DOCK3: variants seen among roughly 807,000 people sequenced by gnomAD.
The protein encoded by DOCK3 is dedicator of cytokinesis 3.
A neutral mutation model predicts 265.6 loss-of-function variants in DOCK3; 60 were observed. That is an observed-to-expected ratio of 0.23 (90% CI 0.18 to 0.28). The LOEUF is 0.28. DOCK3 is among the 10% of genes least tolerant of loss of function. The probability of loss-of-function intolerance (pLI) is 1.00; values close to 1 mark genes in which losing one functional copy is unlikely to be tolerated. For synonymous variants in DOCK3, 881 were observed against 938.0 expected (o/e 0.94, Z 1.11); for missense variants, 1,981 against 2,594.3 (o/e 0.76, Z 5.14).
intron 38 of DOCK3, among the ~76,000 whole-genome samples, chr3:51,341,792 C>T (rs1191846768): frequency 1.3e-5 from 2 of 152,234 alleles, no homozygotes; most frequent in Non-Finnish European, 2.9e-5. Context: ...CAGCCAAAGG[C>T]GGCCTAAACT....
chr3:51,064,860 A>C (rs1560011578), intron 6 of DOCK3, among the ~76,000 whole-genome samples: 1 of 152,186 alleles, frequency 6.6e-6, no homozygotes, highest in Non-Finnish European at 1.5e-5. Context: ...TTATCCTATA[A>C]AGTTAAATTT....
chr3:50,743,213 C>T (rs1410641593), intron 1 of DOCK3, among the ~76,000 whole-genome samples: 1 of 151,050 alleles, frequency 6.6e-6, no homozygotes, highest in East Asian at 1.9e-4. Flanking sequence ...TGGAAAGGAA[C>T]AACCGGTACC....
chr3:50,906,101 C>G (rs891629476), intron 4 of DOCK3, among the ~76,000 whole-genome samples: 2 of 152,168 alleles, frequency 1.3e-5, no homozygotes, highest in East Asian at 3.9e-4. Context: ...CCTTGCATCC[C>G]AGAGATAAAG....
intron 27 of DOCK3, among the ~76,000 whole-genome samples, chr3:51,309,068 C>T (rs1157088342): frequency 6.6e-6 from 1 of 151,746 alleles, no homozygotes; most frequent in Non-Finnish European, 1.5e-5. Flanking sequence ...GATGGGATGG[C>T]GGGCGGGCAG....
chr3:51,309,948 C>T (rs2082967345), intron 27 of DOCK3, among the ~76,000 whole-genome samples: 1 of 152,202 alleles, frequency 6.6e-6, no homozygotes, highest in Non-Finnish European at 1.5e-5. Flanking sequence ...CTGTCCCATG[C>T]TTTGGGCTTT....
chr3:51,149,150 T>C (rs1438214800), intron 10 of DOCK3, among the ~76,000 whole-genome samples: 1 of 152,206 alleles, frequency 6.6e-6, no homozygotes, highest in Non-Finnish European at 1.5e-5. Context: ...TGTCTGTTAT[T>C]GGTGTAGAGG....
intron 22 of DOCK3, among the ~76,000 whole-genome samples, chr3:51,254,999 T>G (rs1183668993): frequency 6.6e-6 from 1 of 152,256 alleles, no homozygotes; most frequent in East Asian, 1.9e-4. Flanking sequence ...TTGTGGTGGC[T>G]GGTACCAGTT....
rs1023990134 is a variant in DOCK3, at chr3:50,771,829, C to T, written c.38-6846C>T. Among the ~76,000 whole-genome samples, 15 of 151,948 alleles carry T rather than the reference C, an allele frequency of 9.9e-5. No homozygotes were observed. In the Middle Eastern group the frequency reaches 0.01, roughly 104 times the overall value. On this transcript the variant is annotated intron_variant, in intron 1 of 52. Transcript: ENST00000266037. ...TTGCGCCACTGCACTCCAGCCTGGG[C>T]GACAGAGCGAGACTCCATCTCAAAA...
intron 5 of DOCK3, among the ~76,000 whole-genome samples, chr3:50,984,362 C>T (rs2077817579): frequency 1.3e-5 from 2 of 152,186 alleles, no homozygotes. Flanking sequence ...ACATACCATC[C>T]TTCCACTTCC....
At chr3:50,987,788 C>G (rs979041892) in intron 5 of DOCK3, among the ~76,000 whole-genome samples, 3 of 152,138 alleles carry the variant, frequency 2.0e-5, no homozygotes. Context: ...ATGTGCAACC[C>G]TGGGAAACTC....
intron 12 of DOCK3, among the ~76,000 whole-genome samples, chr3:51,200,178 G>A (rs911951471): frequency 1.3e-5 from 2 of 152,080 alleles, no homozygotes; most frequent in Non-Finnish European, 2.9e-5. Flanking sequence ...GAACAAAGCT[G>A]GTTGGAGAAT....
At position 50,871,723 on chromosome 3, in the gene DOCK3, C is replaced by T. The variant is rs867846483; in HGVS notation, c.163-18303C>T. Among the ~76,000 whole-genome samples the T allele has an allele frequency of 9.2e-5, 14 of 152,104 alleles. No individual in the cohort carries two copies. In the South Asian group the frequency reaches 1.5e-3, roughly 16 times the overall value. On this transcript the variant is annotated intron_variant, in intron 3 of 52. Transcript: ENST00000266037. ...TGTTTTTTATTCTTTTAACTTTTGT[C>T]TCCTTTGTGTATTTTCAAATAGCCT...
chr3:51,069,268 A>AG (rs2081749644), intron 6 of DOCK3, among the ~76,000 whole-genome samples: 1 of 152,196 alleles, frequency 6.6e-6, no homozygotes, highest in Non-Finnish European at 1.5e-5. Context: ...TGTCTTACAT[A>AG]GAGAATTAGT....
chr3:50,808,762 T>C (rs1159383118), intron 2 of DOCK3, among the ~76,000 whole-genome samples: 1 of 152,200 alleles, frequency 6.6e-6, no homozygotes, highest in Non-Finnish European at 1.5e-5. Context: ...GCTTGTCCAC[T>C]CCGTGGAGAT....
At chr3:50,909,449 TC>T (rs2049737815) in intron 4 of DOCK3, among the ~76,000 whole-genome samples, 1 of 151,954 alleles carries the variant, frequency 6.6e-6, no homozygotes, top group Non-Finnish European at 1.5e-5. Context: ...TTGAAAAGGA[TC>T]TTATCTCTTC....
intron 24 of DOCK3, among the ~76,000 whole-genome samples, chr3:51,273,971 A>C (rs1396659886): frequency 2.0e-5 from 3 of 152,218 alleles, no homozygotes; most frequent in Non-Finnish European, 4.4e-5. Flanking sequence ...AGAGGCCCTT[A>C]CACCCCATTC....
At chr3:50,787,814 C>A in intron 2 of DOCK3, 1 of 1,124,480 alleles carries the variant, frequency 8.9e-7, no homozygotes, top group Non-Finnish European at 1.3e-6. Flanking sequence ...GCCCCTTCCT[C>A]TCTCTCTTCC....
chr3:51,227,201 A>G lies in DOCK3; in HGVS notation c.1378-82A>G. The stretch of plus-strand genomic sequence containing the variant: ...AGCAAAAATGAGACCTTTAGACAAG[A>G]GAAAGAAAAGTGTCCTAGTGACACA... On this transcript the variant is annotated intron_variant, in intron 15 of 52. Transcript: ENST00000266037. The G allele has an allele frequency of 2.0e-6, 3 of 1,510,224 alleles. No individual in the cohort carries two copies. In the South Asian group the frequency reaches 3.8e-5, roughly 19 times the overall value. 93.6% of individuals were successfully genotyped at this position (1,510,224 alleles called of 1,614,324 possible). A position where few individuals can be genotyped will look rare whatever the true frequency, so the allele number is the denominator to read the frequency against.
intron 27 of DOCK3, among the ~76,000 whole-genome samples, chr3:51,306,927 C>T (rs773720587): frequency 1.3e-5 from 2 of 152,092 alleles, no homozygotes; most frequent in Non-Finnish European, 1.5e-5. Context: ...TCTTTTTGCC[C>T]GTGTATGGGC....
Sources: gnomAD v4.1 joint callset for allele counts (sites outside exome capture counted in the v4.1 genomes callset) on GRCh38, gnomAD v4.1.1 for gene constraint, MANE v1.5 for transcripts, NCBI Gene and HGNC (gene_info 2026-07-23, HGNC 2026-07-21) for gene names.